CNTN6: variants seen among roughly 807,000 people sequenced by gnomAD.
The protein encoded by CNTN6 is contactin 6, also known as contactin-6.
Under a neutral mutation model 122.8 loss-of-function variants are expected in CNTN6, and 137 were observed. The ratio of observed to expected loss-of-function variants is 1.12; its 90% CI spans 0.97 to 1.29. The LOEUF is 1.29. CNTN6 is among the 50% of genes most tolerant of loss of function. The probability of loss-of-function intolerance (pLI) is 0.00; values close to 1 mark genes in which losing one functional copy is unlikely to be tolerated. For missense variants in CNTN6, 1,634 were observed against 1,223.4 expected (o/e 1.34, Z -5.01); for synonymous variants, 570 against 426.0 (o/e 1.34, Z -4.16).
chr3:1,291,039 T>TCTG (rs1289211510), intron 5 of CNTN6, among the ~76,000 whole-genome samples: 5 of 152,178 alleles, frequency 3.3e-5, no homozygotes, highest in African/African-American at 1.2e-4. Flanking sequence ...ATGGAGTTGC[T>TCTG]CTGGTTCAAA....
At chr3:1,300,555 G>GA (rs756030587) in intron 7 of CNTN6, among the ~76,000 whole-genome samples, 2 of 80,896 alleles carry the variant, frequency 2.5e-5, no homozygotes, top group Non-Finnish European at 5.6e-5. Flanking sequence ...GAAAGAGAAA[G>GA]AAAAAGAAAG....
intron 7 of CNTN6, among the ~76,000 whole-genome samples, chr3:1,308,390 C>T (rs565171613): frequency 1.3e-5 from 2 of 151,138 alleles, no homozygotes; most frequent in South Asian, 2.1e-4. Context: ...ATGTTTCATG[C>T]CCTAGTCATA....
In CNTN6 at chr3:1,383,092, C is replaced by G. The variant is rs2126180823; in HGVS notation, c.2317C>G (p.Pro773Ala). 7 of 1,613,996 alleles carry G rather than the reference C, an allele frequency of 4.3e-6. No individual in the cohort carries two copies. The South Asian group carries it at 5.5e-5, about 13-fold the overall frequency. ...YRNESIIPLS[P>A]FEVKVGVYNN... ...AAATGAAAGCATCATCCCACTGTCTCCCTTTGAAGTCAAAGTGGGTGTGTA... is the reference window on the plus strand; with the variant it reads ...AAATGAAAGCATCATCCCACTGTCTGCCTTTGAAGTCAAAGTGGGTGTGTA... The change falls in exon 18 of 23, where the codon CCC becomes GCC. Residue 773 changes from proline to alanine, a missense_variant. Pro to Ala is a conservative substitution (Grantham distance 27). Transcript: ENST00000446702.
chr3:1,130,473 A>G (rs548408941), intron 1 of CNTN6, among the ~76,000 whole-genome samples: 2 of 152,262 alleles, frequency 1.3e-5, no homozygotes, highest in Admixed American at 6.6e-5. Context: ...TAGATGGGGA[A>G]TTGATAAATA....
At chr3:1,155,984 C>G (rs1393461981) in intron 2 of CNTN6, among the ~76,000 whole-genome samples, 3 of 152,204 alleles carry the variant, frequency 2.0e-5, no homozygotes, top group Non-Finnish European at 4.4e-5. Context: ...TTCAAACTGT[C>G]TAATCAAGCA....
intron 4 of CNTN6, among the ~76,000 whole-genome samples, chr3:1,260,116 A>C (rs1418756435): frequency 1.3e-5 from 2 of 152,162 alleles, no homozygotes; most frequent in African/African-American, 4.8e-5. Context: ...CAATTTAGTG[A>C]AAGTGCCTAT....
At chr3:1,258,231 G>A (rs1053476634) in intron 4 of CNTN6, among the ~76,000 whole-genome samples, 1 of 152,110 alleles carries the variant, frequency 6.6e-6, no homozygotes, top group African/African-American at 2.4e-5. Flanking sequence ...TGTAGTGTGG[G>A]TGAAGTTCCT....
chr3:1,327,991 T>G (rs1231596931), intron 10 of CNTN6, among the ~76,000 whole-genome samples: 2 of 151,916 alleles, frequency 1.3e-5, no homozygotes, highest in Non-Finnish European at 2.9e-5. Context: ...CTGCCGGGCA[T>G]GGCACCTCAA....
At chr3:1,147,528 C>T (rs935099747) in intron 1 of CNTN6, among the ~76,000 whole-genome samples, 3 of 151,990 alleles carry the variant, frequency 2.0e-5, no homozygotes, top group Non-Finnish European at 2.9e-5. Context: ...AACATTTTAT[C>T]TTGATTTCAT....
At chr3:1,284,042 G>A (rs1196303975) in intron 5 of CNTN6, among the ~76,000 whole-genome samples, 1 of 152,014 alleles carries the variant, frequency 6.6e-6, no homozygotes, top group Non-Finnish European at 1.5e-5. Flanking sequence ...ACTAAGTCCC[G>A]AGCTCATAAA....
chr3:1,109,350 G>C (rs1333968193), intron 1 of CNTN6, among the ~76,000 whole-genome samples: 1 of 151,976 alleles, frequency 6.6e-6, no homozygotes, highest in Non-Finnish European at 1.5e-5. Flanking sequence ...GGAAAAGAAA[G>C]TAATATTTAG....
At chr3:1,263,552 C>G (rs568096058) in intron 4 of CNTN6, among the ~76,000 whole-genome samples, 14 of 152,242 alleles carry the variant, frequency 9.2e-5, no homozygotes, top group African/African-American at 3.1e-4. Context: ...CTAGCCTCTT[C>G]TCTAAGAAAC....
chr3:1,357,723 C>G (rs573558884), intron 12 of CNTN6, among the ~76,000 whole-genome samples: 48 of 151,948 alleles, frequency 3.2e-4, no homozygotes, highest in Non-Finnish European at 4.9e-4. Context: ...GATATTAGTA[C>G]TTCCTCCTAA....
chr3:1,232,360 C>T (rs1276406455), intron 4 of CNTN6, among the ~76,000 whole-genome samples: 6 of 152,176 alleles, frequency 3.9e-5, no homozygotes, highest in African/African-American at 1.4e-4. Context: ...TTATACCCAT[C>T]AAGTACTACA....
At chr3:1,398,159 G>A (rs1695217838) in intron 20 of CNTN6, among the ~76,000 whole-genome samples, 1 of 152,128 alleles carries the variant, frequency 6.6e-6, no homozygotes, top group African/African-American at 2.4e-5. Flanking sequence ...ATGTGGCAGT[G>A]TTTTGGTTTC....
At chr3:1,391,386 G>A (rs1271502198) in intron 20 of CNTN6, among the ~76,000 whole-genome samples, 1 of 117,510 alleles carries the variant, frequency 8.5e-6, no homozygotes, top group Non-Finnish European at 1.7e-5. Context: ...AATAAATTAG[G>A]TATTGATGGG....
intron 1 of CNTN6, among the ~76,000 whole-genome samples, chr3:1,146,465 C>G (rs190733285): frequency 1.2e-4 from 18 of 152,200 alleles, no homozygotes; most frequent in Admixed American, 5.9e-4. Context: ...ACACTCTTTG[C>G]CTGGCAAAGA....
At chr3:1,362,871 C>G (rs1337450642) in intron 12 of CNTN6, among the ~76,000 whole-genome samples, 1 of 150,456 alleles carries the variant, frequency 6.6e-6, no homozygotes, top group Admixed American at 6.6e-5. Context: ...AGTAGCAAAA[C>G]TAAAGGGAAA....
At chr3:1,279,674 G>C (rs1226382088) in intron 5 of CNTN6, among the ~76,000 whole-genome samples, 3 of 152,106 alleles carry the variant, frequency 2.0e-5, no homozygotes, top group Non-Finnish European at 4.4e-5. Context: ...CTCTGGAATG[G>C]GAGAACTTTT....
Sources: gnomAD v4.1 joint callset for allele counts (sites outside exome capture counted in the v4.1 genomes callset) on GRCh38, gnomAD v4.1.1 for gene constraint, MANE v1.5 for transcripts, NCBI Gene and HGNC (gene_info 2026-07-23, HGNC 2026-07-21) for gene names.